Variants in MARCO observed in about 807,000 individuals in gnomAD.
MARCO encodes macrophage receptor with collagenous structure.
MARCO carries 72 observed loss-of-function variants against 70.0 expected under a neutral mutation model. The ratio of observed to expected loss-of-function variants is 1.03; its 90% CI spans 0.85 to 1.25. The LOEUF (loss-of-function observed/expected upper bound fraction) is 1.25. Among genes scored for constraint, MARCO ranks in the 50% most tolerant of loss-of-function variants. The pLI is 0.00. For synonymous variants in MARCO, 273 were observed against 243.1 expected (o/e 1.12, Z -1.14); for missense variants, 696 against 659.3 (o/e 1.06, Z -0.61).
At chr2:118,990,679 AG>A (rs1471944452) in intron 13 of MARCO, 46 bp downstream of exon 13, 2 of 1,577,958 alleles carry the variant, frequency 1.3e-6, no homozygotes, top group Non-Finnish European at 1.7e-6. Context: ...ATGACGGGGA[AG>A]GCCTGCCTTC....
At chr2:118,943,607 G>A (rs560369638) in intron 1 of MARCO, among the ~76,000 whole-genome samples, 1 of 152,216 alleles carries the variant, frequency 6.6e-6, no homozygotes, top group African/African-American at 2.4e-5. Context: ...GATCTAACCA[G>A]GTGTAGAGCC....
chr2:118,983,778 TCG>T (rs1465262940), intron 12 of MARCO, among the ~76,000 whole-genome samples: 3 of 152,082 alleles, frequency 2.0e-5, no homozygotes. Flanking sequence ...CTTTCATCTC[TCG>T]GTTGTAAATA....
intron 1 of MARCO, among the ~76,000 whole-genome samples, chr2:118,960,359 C>T (rs115321533): frequency 3.5e-3 from 534 of 152,176 alleles, no homozygotes; most frequent in African/African-American, 0.012. Flanking sequence ...GAAAAGTGTC[C>T]TGTCTTTCAC....
chr2:118,982,761 G>A (rs965377200), intron 12 of MARCO, among the ~76,000 whole-genome samples: 8 of 152,128 alleles, frequency 5.3e-5, no homozygotes, highest in Admixed American at 3.9e-4. Context: ...CCTAAGAGGG[G>A]GTCCAAGAGT....
chr2:118,990,503 A>G (rs1680599724), intron 12 of MARCO, 86 bp from the exon 13 acceptor site: 1 of 1,328,604 alleles, frequency 7.5e-7, no homozygotes, highest in Non-Finnish European at 1.1e-6. Context: ...TAATCAGACA[A>G]AAGGTAGAGG....
chr2:118,988,183 G>GA (rs1680551394), intron 12 of MARCO, among the ~76,000 whole-genome samples: 2 of 152,142 alleles, frequency 1.3e-5, no homozygotes, highest in Admixed American at 1.3e-4. Context: ...AGAAAATGCT[G>GA]AGTCCCCTGG....
chr2:118,967,315 C>T (rs1680071151), intron 1 of MARCO, among the ~76,000 whole-genome samples: 1 of 152,132 alleles, frequency 6.6e-6, no homozygotes, highest in African/African-American at 2.4e-5. Context: ...ACACACATTG[C>T]CCCAAGTCAG....
Position 118,990,539 on chromosome 2 carries a change from A to T in MARCO, c.1064-50A>T, listed in dbSNP as rs759378282. 2.5e-6 allele frequency: 4 copies of T among 1,569,478 alleles called. No individual in the cohort carries two copies. The African/African-American group carries it at 5.5e-5, about 22-fold the overall frequency. ...TTGTCTAAGATTAAAAATGTCTAAT[A>T]CCTAAGTTTTATTATCTCCTCCCCC... On this transcript the variant is annotated intron_variant, in intron 12 of 16. Coordinates refer to ENST00000327097, the MANE Select transcript of MARCO (RefSeq NM_006770.4).
intron 1 of MARCO, among the ~76,000 whole-genome samples, 183 bp from the exon 2 acceptor site, chr2:118,968,977 A>T (rs1680109026): frequency 6.6e-6 from 1 of 152,222 alleles, no homozygotes; most frequent in Non-Finnish European, 1.5e-5. Flanking sequence ...CAACAGTGGC[A>T]ATTTTTGCTT....
At chr2:118,950,037 C>A (rs1190798936) in intron 1 of MARCO, 1 of 152,080 alleles carries the variant, frequency 6.6e-6, no homozygotes, top group Non-Finnish European at 1.5e-5. Flanking sequence ...GTCCTTTGTG[C>A]CTTCTTGCTG....
intron 12 of MARCO, among the ~76,000 whole-genome samples, chr2:118,986,661 G>GA: frequency 9.1e-5 from 4 of 44,008 alleles, no homozygotes; most frequent in Admixed American, 2.3e-4. Flanking sequence ...AAGAAGGAAG[G>GA]AAGGAAGGAA....
chr2:118,982,207 C>G lies in MARCO; in HGVS notation c.953C>G (p.Pro318Arg), dbSNP rs142540932. 124 of 1,613,246 alleles carry G rather than the reference C, an allele frequency of 7.7e-5. No homozygotes were observed. Among genetic ancestry groups the G allele is most frequent in the Non-Finnish European group, 1.4e-5 (17 of 1,179,478 alleles). The change falls in exon 11 of 17, where the codon CCA becomes CGA. Residue 318 changes from proline (P) to arginine (R), a missense_variant. Pro to Arg is a moderately radical substitution (Grantham distance 103). Transcript: ENST00000327097. ...VPGPPGAVGHPGAKGEPGSAG... is the reference protein window; with the variant it reads ...VPGPPGAVGHRGAKGEPGSAG... ...GGCCCTCCTGGTGCAGTGGGACACC[C>G]AGGTGCCAAGGGTGAGCCTGGCAGT...
intron 14 of MARCO, 86 bp downstream of exon 14, chr2:118,991,961 T>A: frequency 1.0e-6 from 1 of 979,312 alleles, no homozygotes; most frequent in African/African-American, 1.7e-5. Flanking sequence ...GGCGCTGTTT[T>A]AAGAGTTCTG....
intron 3 of MARCO, among the ~76,000 whole-genome samples, chr2:118,971,046 C>T (rs1278398055): frequency 6.6e-6 from 1 of 152,178 alleles, no homozygotes; most frequent in Non-Finnish European, 1.5e-5. Flanking sequence ...AGGCTGTGGC[C>T]TCCCCAGGGA....
chr2:118,986,636 A>G (rs1419522785), intron 12 of MARCO, among the ~76,000 whole-genome samples: 5 of 40,636 alleles, frequency 1.2e-4, no homozygotes, highest in Admixed American at 2.4e-4. Context: ...AAAGAAAGAA[A>G]GAAAGAAAGA....
intron 16 of MARCO, among the ~76,000 whole-genome samples, 189 bp downstream of exon 16, chr2:118,993,489 A>G (rs1395148279): frequency 2.0e-5 from 3 of 152,202 alleles, no homozygotes; most frequent in Non-Finnish European, 2.9e-5. Flanking sequence ...CCCAGCAGAA[A>G]GATGGCCTGT....
Position 118,991,834 on chromosome 2 carries a change from C to G in MARCO, c.1166C>G (p.Ala389Gly). Residue 389 changes from alanine (A) to glycine (G), a missense_variant, in exon 14 of 17, where the codon GCC (alanine) becomes GGC (glycine). This residue lies in a region of MARCO where 605 missense variants were observed against 537.6 expected (regional missense o/e 1.13). Coordinates refer to ENST00000327097, the MANE Select transcript of MARCO (RefSeq NM_006770.4). ...CCAGGGCTGGCAGGTCCCAAGGGAGCCCCTGGACAAGCTGGCCAGAAGGGA... is the reference window on the plus strand; with the variant it reads ...CCAGGGCTGGCAGGTCCCAAGGGAGGCCCTGGACAAGCTGGCCAGAAGGGA... ...GSPGLAGPKGAPGQAGQKGDQ... is the reference protein window; with the variant it reads ...GSPGLAGPKGGPGQAGQKGDQ... 1 of 1,600,780 alleles carries G rather than the reference C, an allele frequency of 6.2e-7. No individual in the cohort carries two copies.
At chr2:118,967,307 A>T (rs754675338) in intron 1 of MARCO, among the ~76,000 whole-genome samples, 2 of 152,206 alleles carry the variant, frequency 1.3e-5, no homozygotes, top group Non-Finnish European at 2.9e-5. Flanking sequence ...TTCAGGGGAC[A>T]CACATTGCCC....
chr2:118,968,971 A>T (rs559990501), intron 1 of MARCO, among the ~76,000 whole-genome samples, 189 bp from the exon 2 acceptor site: 1 of 152,336 alleles, frequency 6.6e-6, no homozygotes, highest in Non-Finnish European at 1.5e-5. Flanking sequence ...AGTGACCAAC[A>T]GTGGCAATTT....
Sources: allele counts gnomAD v4.1 joint callset (sites outside exome capture counted in the v4.1 genomes callset), GRCh38; gene constraint gnomAD v4.1.1; regional missense constraint gnomAD v4.1.1; transcripts MANE v1.5; gene names NCBI Gene and HGNC (gene_info 2026-07-23, HGNC 2026-07-21).